The following SORL1 variants were observed in gnomAD, a reference collection of about 807,000 sequenced individuals.
SORL1 encodes the protein sortilin related receptor 1.
In SORL1, 127 loss-of-function variants were observed where a neutral mutation model predicts 273.7. The observed-to-expected ratio is 0.46, with a 90% confidence interval of 0.40 to 0.54. The LOEUF (loss-of-function observed/expected upper bound fraction) is 0.54, where lower values mean the gene tolerates loss of function less well. Ranked by LOEUF, SORL1 falls within the 20% of genes least tolerant of loss-of-function variation. SORL1 has a pLI of 0.00. For synonymous variants in SORL1, 1,031 were observed against 1,067.4 expected (o/e 0.97, Z 0.66); for missense variants, 2,494 against 2,846.1 (o/e 0.88, Z 2.81).
At chr11:121,474,669 G>A (rs1035335228) in intron 2 of SORL1, among the ~76,000 whole-genome samples, 7 of 152,216 alleles carry the variant, frequency 4.6e-5, no homozygotes, top group Admixed American at 1.3e-4. Flanking sequence ...CAGAAATCCC[G>A]TCTGGATGAA....
At chr11:121,584,190 G>C (rs1591338438) in intron 26 of SORL1, among the ~76,000 whole-genome samples, 1 of 152,208 alleles carries the variant, frequency 6.6e-6, no homozygotes, top group Non-Finnish European at 1.5e-5. Flanking sequence ...AAGGTGAAAG[G>C]TTCTGACCAG....
chr11:121,525,517 A>G (rs1862108362), intron 11 of SORL1, among the ~76,000 whole-genome samples: 1 of 152,186 alleles, frequency 6.6e-6, no homozygotes, highest in Admixed American at 6.5e-5. Flanking sequence ...GAACTGCCAA[A>G]TTATTGTCCC....
chr11:121,504,718 C>T (rs757795642), intron 6 of SORL1, among the ~76,000 whole-genome samples: 1 of 152,076 alleles, frequency 6.6e-6, no homozygotes, highest in Non-Finnish European at 1.5e-5. Flanking sequence ...TGGGTAGAAC[C>T]TCTAGTAAAA....
At chr11:121,571,151 C>T (rs914603503) in intron 23 of SORL1, among the ~76,000 whole-genome samples, 9 of 152,192 alleles carry the variant, frequency 5.9e-5, no homozygotes, top group African/African-American at 1.9e-4. Context: ...CACTGCGATG[C>T]GGAAGTGTCA....
intron 40 of SORL1, 90 bp downstream of exon 40, chr11:121,612,922 G>A (rs912708300): frequency 1.2e-6 from 1 of 857,454 alleles, no homozygotes; most frequent in East Asian, 2.7e-5. Flanking sequence ...GGGGGTGCCA[G>A]GGAAGGGGAG....
chr11:121,576,991 T>C, intron 24 of SORL1: 7 of 1,457,514 alleles, frequency 4.8e-6, no homozygotes, highest in East Asian at 2.5e-5. Flanking sequence ...GAAAATAATA[T>C]ATGTGGAGAG....
chr11:121,523,480 A>G (rs1215348371), intron 11 of SORL1, among the ~76,000 whole-genome samples: 1 of 151,858 alleles, frequency 6.6e-6, no homozygotes, highest in East Asian at 1.9e-4. Flanking sequence ...ATGGAAGTAG[A>G]CTCTCTTTTT....
At chr11:121,556,158 GGTTCTCTGCATGATA>G (rs1483780168) in intron 18 of SORL1, among the ~76,000 whole-genome samples, 5 of 152,216 alleles carry the variant, frequency 3.3e-5, no homozygotes, top group Non-Finnish European at 5.9e-5. Flanking sequence ...ATTTGACAGG[GGTTCTCTGCATGATA>G]CATGTGGTTT....
chr11:121,547,903 A>G (rs967719061), intron 14 of SORL1, among the ~76,000 whole-genome samples: 1 of 152,172 alleles, frequency 6.6e-6, no homozygotes, highest in Non-Finnish European at 1.5e-5. Flanking sequence ...GTACTGGTTG[A>G]CAACTGTGTT....
intron 2 of SORL1, among the ~76,000 whole-genome samples, chr11:121,475,458 A>G (rs1861250183): frequency 6.6e-6 from 1 of 152,188 alleles, no homozygotes; most frequent in Non-Finnish European, 1.5e-5. Context: ...TTTTGTTTGT[A>G]GGTGAGAATT....
rs1212399345 is a variant in SORL1 at position 121,496,968 on chromosome 11, C to T, written c.858C>T (p.Ser286=). The part of the protein sequence containing the change: ...TVFRSTDFFQ[S]RENQEVILEE... Reference sequence around the variant, plus strand: ...TCCGAAGTACAGATTTCTTCCAGTCCCGGGAAAACCAGGAAGTGATCCTTG... The same window carrying T: ...TCCGAAGTACAGATTTCTTCCAGTCTCGGGAAAACCAGGAAGTGATCCTTG... Residue 286 remains serine (S), a synonymous_variant, in exon 6 of 48, where the codon TCC becomes TCT. Coordinates refer to ENST00000260197, the MANE Select transcript of SORL1 (RefSeq NM_003105.6). 1 of 1,614,032 alleles carries T rather than the reference C, an allele frequency of 6.2e-7. No individual in the cohort carries two copies. Among genetic ancestry groups the T allele is most frequent in the South Asian group, 1.1e-5 (1 of 91,076 alleles).
At position 121,596,319 on chromosome 11, in the gene SORL1, G is replaced by T. The variant is rs1591345050; in HGVS notation, c.4519+547G>T. Among the ~76,000 whole-genome samples the T allele has an allele frequency of 1.3e-5, 2 of 152,322 alleles. No individual in the cohort carries two copies. Among genetic ancestry groups the T allele is most frequent in the South Asian group, 4.1e-4 (2 of 4,824 alleles). ...TGAGGTGATGCATGCATTCTCTACG[G>T]GTTTGGAGTTGGTGGGTCCTGGTGT... On this transcript the variant is annotated intron_variant, in intron 32 of 47. Transcript: ENST00000260197. The surrounding 1 kb of genome is among the most constrained non-coding windows in gnomAD (Gnocchi z 4.3).
intron 38 of SORL1, chr11:121,609,178 A>C (rs1036964105): frequency 2.6e-5 from 4 of 152,252 alleles, no homozygotes; most frequent in Non-Finnish European, 5.9e-5. Flanking sequence ...TGTGGCATGC[A>C]ATAGGACTGG....
intron 24 of SORL1, among the ~76,000 whole-genome samples, chr11:121,575,664 T>A (rs956678662): frequency 6.6e-6 from 1 of 152,256 alleles, no homozygotes; most frequent in African/African-American, 2.4e-5. Context: ...GGAAGGTTTT[T>A]AAAAAATTCC....
At chr11:121,528,869 T>G (rs1862161238) in intron 11 of SORL1, among the ~76,000 whole-genome samples, 1 of 152,210 alleles carries the variant, frequency 6.6e-6, no homozygotes, top group Non-Finnish European at 1.5e-5. Context: ...TCTGTAGATA[T>G]TATTTATATG....
At chr11:121,559,770 A>C in intron 21 of SORL1, 113 bp downstream of exon 21, 1 of 820,760 alleles carries the variant, frequency 1.2e-6, no homozygotes, top group Non-Finnish European at 1.9e-6. Flanking sequence ...TGTTGTCACG[A>C]CAACATGCAC....
intron 16 of SORL1, among the ~76,000 whole-genome samples, chr11:121,553,695 A>G (rs939310578): frequency 3.9e-5 from 6 of 152,252 alleles, no homozygotes; most frequent in Non-Finnish European, 8.8e-5. Context: ...AAAGAAAAAC[A>G]TAACAAGTAA....
rs571487574 is a variant in SORL1, at chr11:121,595,373, C to T, written c.4370-250C>T. Among the ~76,000 whole-genome samples the T allele has an allele frequency of 6.6e-6, 1 of 152,270 alleles. No individual in the cohort carries two copies. Among genetic ancestry groups the T allele is most frequent in the South Asian group, 2.1e-4 (1 of 4,826 alleles). On this transcript the variant is annotated intron_variant, in intron 31 of 47. Coordinates refer to ENST00000260197, the MANE Select transcript of SORL1 (RefSeq NM_003105.6). This position sits in a 1 kb window ranked among gnomAD's most constrained non-coding sequence, Gnocchi z 5.1. ...TCTGTCTTCTTTCCAGCTCCCAAAT[C>T]TCATTATCCATGTCCTCGTGGATTT...
At chr11:121,588,581 C>T (rs1863157864) in intron 28 of SORL1, among the ~76,000 whole-genome samples, 1 of 152,196 alleles carries the variant, frequency 6.6e-6, no homozygotes, top group Admixed American at 6.5e-5. Context: ...GCTGCCTGAG[C>T]TTTACAGGAG....
Sources: allele counts gnomAD v4.1 joint callset (sites outside exome capture counted in the v4.1 genomes callset), GRCh38; gene constraint gnomAD v4.1.1; non-coding constraint Gnocchi (gnomAD v3.1); transcripts MANE v1.5; gene names NCBI Gene and HGNC (gene_info 2026-07-23, HGNC 2026-07-21).